The following CSMD1 variants were observed in gnomAD, a reference collection of about 807,000 sequenced individuals.
CSMD1 encodes CUB and sushi domain-containing protein 1.
A neutral mutation model predicts 417.5 loss-of-function variants in CSMD1; 213 were observed. That is an observed-to-expected ratio of 0.51 (90% CI 0.46 to 0.57). CSMD1 has a LOEUF of 0.57. CSMD1 is among the 20% of genes least tolerant of loss of function. CSMD1 has a pLI of 0.00. For synonymous variants in CSMD1, 2,862 were observed against 1,736.8 expected (o/e 1.65, Z -16.11); for missense variants, 6,923 against 4,529.7 (o/e 1.53, Z -15.17).
At chr8:3,634,612 G>A (rs1425367110) in intron 7 of CSMD1, among the ~76,000 whole-genome samples, 2 of 152,094 alleles carry the variant, frequency 1.3e-5, no homozygotes, top group South Asian at 2.1e-4. Context: ...TGAGCTCTGT[G>A]CAGCCTTCTA....
At chr8:3,179,090 G>GGT (rs1554452947) in intron 37 of CSMD1, among the ~76,000 whole-genome samples, 40 of 151,384 alleles carry the variant, frequency 2.6e-4, no homozygotes, top group Admixed American at 1.8e-3. Flanking sequence ...TGGGACTACA[G>GGT]GCCCGCCACC....
At chr8:4,826,767 G>C (rs181313256) in intron 1 of CSMD1, among the ~76,000 whole-genome samples, 1 of 152,066 alleles carries the variant, frequency 6.6e-6, no homozygotes, top group Admixed American at 6.6e-5. Context: ...TTAAACATAG[G>C]AGCTCCCTCT....
intron 5 of CSMD1, among the ~76,000 whole-genome samples, chr8:3,828,596 A>G (rs1483645408): frequency 6.6e-6 from 1 of 151,858 alleles, no homozygotes; most frequent in Non-Finnish European, 1.5e-5. Flanking sequence ...GCATTCGACA[A>G]TTTTCTTCCA....
At chr8:3,011,035 C>T (rs1808346711) in intron 52 of CSMD1, among the ~76,000 whole-genome samples, 1 of 152,264 alleles carries the variant, frequency 6.6e-6, no homozygotes, top group South Asian at 2.1e-4. Context: ...CTATTCTCAA[C>T]TTTTTATTAA....
intron 3 of CSMD1, among the ~76,000 whole-genome samples, chr8:4,082,296 G>A (rs565141858): frequency 1.7e-4 from 26 of 152,202 alleles, no homozygotes; most frequent in South Asian, 6.2e-4. Context: ...CTGAGCAGAC[G>A]TATAAGAAAA....
At chr8:4,187,590 C>T (rs756273500) in intron 3 of CSMD1, among the ~76,000 whole-genome samples, 1 of 143,866 alleles carries the variant, frequency 7.0e-6, no homozygotes, top group Admixed American at 7.4e-5. Context: ...GTAGGAGAAT[C>T]GCTTGAACCC....
intron 12 of CSMD1, among the ~76,000 whole-genome samples, chr8:3,422,656 T>G (rs1162640491): frequency 6.6e-6 from 1 of 152,226 alleles, no homozygotes; most frequent in Admixed American, 6.5e-5. Context: ...ATTTCAAATC[T>G]ATTTTCGATG....
chr8:4,065,141 A>C (rs555240129), intron 3 of CSMD1, among the ~76,000 whole-genome samples: 1 of 152,354 alleles, frequency 6.6e-6, no homozygotes, highest in South Asian at 2.1e-4. Flanking sequence ...GTTTTTTAAA[A>C]ATTACATTTT....
intron 7 of CSMD1, among the ~76,000 whole-genome samples, chr8:3,687,568 C>T (rs773750588): frequency 3.3e-5 from 5 of 152,168 alleles, no homozygotes; most frequent in Non-Finnish European, 5.9e-5. Flanking sequence ...TATTTTTCTT[C>T]CAGTTTCAAT....
At chr8:3,744,566 TA>T in intron 6 of CSMD1, among the ~76,000 whole-genome samples, 1 of 152,322 alleles carries the variant, frequency 6.6e-6, no homozygotes, top group Non-Finnish European at 1.5e-5. Context: ...CTCCCATGAC[TA>T]GTTTGTCAAT....
chr8:3,885,901 T>C (rs917606234), intron 5 of CSMD1, among the ~76,000 whole-genome samples: 1 of 152,172 alleles, frequency 6.6e-6, no homozygotes. Flanking sequence ...GAGTAAAGTT[T>C]GTTGTTAATC....
chr8:4,438,344 C>G (rs528807233), intron 2 of CSMD1, among the ~76,000 whole-genome samples: 6 of 152,188 alleles, frequency 3.9e-5, no homozygotes, highest in Non-Finnish European at 5.9e-5. Context: ...TCTCTGAACT[C>G]TGTCCTGCAT....
chr8:4,301,881 T>C (rs999841646), intron 3 of CSMD1, among the ~76,000 whole-genome samples: 6 of 62,006 alleles, frequency 9.7e-5, no homozygotes, highest in African/African-American at 1.6e-4. Context: ...ACCATAAATT[T>C]GTTGTTCTCA....
chr8:3,350,676 A>T (rs1380470046), intron 21 of CSMD1, among the ~76,000 whole-genome samples: 2 of 152,182 alleles, frequency 1.3e-5, no homozygotes, highest in Non-Finnish European at 2.9e-5. Flanking sequence ...ATTGCAGCTG[A>T]TATTTGTTAT....
chr8:3,122,501 T>C (rs1817265127), intron 41 of CSMD1, among the ~76,000 whole-genome samples: 1 of 152,224 alleles, frequency 6.6e-6, no homozygotes, highest in African/African-American at 2.4e-5. Context: ...GGTATGGCTG[T>C]GTCCCCACCC....
chr8:4,359,142 C>T (rs144290722), intron 3 of CSMD1, among the ~76,000 whole-genome samples: 66 of 152,196 alleles, frequency 4.3e-4, no homozygotes, highest in African/African-American at 1.5e-3. Context: ...AGAGTTGTAG[C>T]CCAGTTCGGT....
chr8:3,353,171 G>C (rs912841844), intron 21 of CSMD1, among the ~76,000 whole-genome samples: 1 of 152,196 alleles, frequency 6.6e-6, no homozygotes, highest in Non-Finnish European at 1.5e-5. Flanking sequence ...TAATAACCTT[G>C]TGATTCCAAG....
At chr8:3,728,389 T>C (rs927662912) in intron 6 of CSMD1, among the ~76,000 whole-genome samples, 2 of 152,186 alleles carry the variant, frequency 1.3e-5, no homozygotes, top group South Asian at 2.1e-4. Flanking sequence ...CAGTATTGGG[T>C]ATGTCTTTAT....
At chr8:3,744,643 C>T (rs1796979202) in intron 6 of CSMD1, among the ~76,000 whole-genome samples, 1 of 152,156 alleles carries the variant, frequency 6.6e-6, no homozygotes, top group South Asian at 2.1e-4. Context: ...CTTCAAGTTC[C>T]AAAGCACATG....
Sources: allele counts gnomAD v4.1 joint callset (sites outside exome capture counted in the v4.1 genomes callset), GRCh38; gene constraint gnomAD v4.1.1; transcripts MANE v1.5; gene names NCBI Gene and HGNC (gene_info 2026-07-23, HGNC 2026-07-21).